Variants in BID observed in about 807,000 individuals in gnomAD.
BID encodes BH3-interacting domain death agonist.
In BID, 19 loss-of-function variants were observed where a neutral mutation model predicts 17.4. That is an observed-to-expected ratio of 1.09 (90% CI 0.76 to 1.60). The LOEUF is 1.60. Ranked by LOEUF, BID falls within the 40% of genes most tolerant of loss-of-function variation. The pLI is 0.00. For missense variants in BID, 226 were observed against 256.0 expected, an observed-to-expected ratio of 0.88 and a Z score of 0.80; for synonymous variants, 108 against 102.8, an observed-to-expected ratio of 1.05 and a Z score of -0.31.
intron 3 of BID, chr22:17,740,060 C>T (rs374211999): frequency 5.6e-6 from 9 of 1,607,260 alleles, no homozygotes; most frequent in African/African-American, 4.0e-5. Flanking sequence ...GCACAGCCTC[C>T]GTGCTGCCCC....
At chr22:17,740,089 G>C in intron 3 of BID, 1 of 1,611,730 alleles carries the variant, frequency 6.2e-7, no homozygotes, top group Non-Finnish European at 8.5e-7. Flanking sequence ...TACCACTGTC[G>C]CAGCTCCATG....
chr22:17,759,473 A>T (rs1158871802), intron 1 of BID, among the ~76,000 whole-genome samples: 1 of 151,546 alleles, frequency 6.6e-6, no homozygotes, highest in Non-Finnish European at 1.5e-5. Context: ...AATCGCTTAA[A>T]CCCAGGAGGC....
Position 17,773,850 on chromosome 22 carries a change from C to G in BID, c.-59+531G>C. 1 of 730,094 alleles carries G rather than the reference C, an allele frequency of 1.4e-6. No individual in the cohort carries two copies. The allele number at this position is 730,094 out of a possible 1,614,324, so 45.2% of individuals were successfully genotyped here. Reference sequence around the variant, plus strand: ...ACATCATTGCCAGTGCTCTAAGGAGCGGGCGAGCCCCAGTAAGCGGCCGCT... The same window carrying G: ...ACATCATTGCCAGTGCTCTAAGGAGGGGGCGAGCCCCAGTAAGCGGCCGCT... On this transcript the variant is annotated intron_variant, in intron 1 of 5. Coordinates refer to ENST00000622694, the MANE Select transcript of BID (RefSeq NM_001196.4). This position sits in a 1 kb window ranked among gnomAD's most constrained non-coding sequence, Gnocchi z 4.4.
chr22:17,771,148 G>A (rs952933142), intron 1 of BID, among the ~76,000 whole-genome samples: 22 of 152,318 alleles, frequency 1.4e-4, no homozygotes, highest in African/African-American at 5.1e-4. Flanking sequence ...CCCCCAGGCT[G>A]GAGTGCAGTG....
intron 1 of BID, among the ~76,000 whole-genome samples, chr22:17,754,857 C>T (rs894213629): frequency 2.6e-5 from 4 of 152,122 alleles, no homozygotes; most frequent in African/African-American, 9.7e-5. Flanking sequence ...CTCCGCCTCC[C>T]AGATTCTAGC....
chr22:17,737,630 G>A (rs2061429445), intron 5 of BID, among the ~76,000 whole-genome samples: 1 of 152,244 alleles, frequency 6.6e-6, no homozygotes, highest in South Asian at 2.1e-4. Flanking sequence ...ACAGGCATGA[G>A]CCACCGCACT....
chr22:17,754,450 T>C (rs2145898872), intron 1 of BID, among the ~76,000 whole-genome samples: 1 of 152,370 alleles, frequency 6.6e-6, no homozygotes. Context: ...TCGCTGCTGC[T>C]GAGCCAGGGG....
intron 4 of BID, among the ~76,000 whole-genome samples, chr22:17,738,507 C>T (rs2061435920): frequency 6.6e-6 from 1 of 152,166 alleles, no homozygotes; most frequent in South Asian, 2.1e-4. Context: ...TCCCTGCGCC[C>T]AAGGCACTTC....
At chr22:17,767,333 C>G (rs927066519) in intron 1 of BID, among the ~76,000 whole-genome samples, 1 of 152,102 alleles carries the variant, frequency 6.6e-6, no homozygotes, top group Non-Finnish European at 1.5e-5. Flanking sequence ...ACGAACCAAT[C>G]AGAATAGAGT....
At position 17,773,544 on chromosome 22, in the gene BID, G is replaced by A; in HGVS notation, c.-59+837C>T. ...GGGTGGGTCCATCTGCTCCTCACCT[G>A]CCCCAACCCTGCCTGCAGGTGAAGG... On this transcript the variant is annotated intron_variant, in intron 1 of 5. Transcript: ENST00000622694. The surrounding 1 kb of genome is among the most constrained non-coding windows in gnomAD (Gnocchi z 4.4). 1 of 1,566,146 alleles carries A rather than the reference G, an allele frequency of 6.4e-7. No individual in the cohort carries two copies. The highest frequency in any genetic ancestry group is 8.7e-7 in the Non-Finnish European group (1 of 1,143,758).
chr22:17,761,039 G>A (rs182630107), intron 1 of BID, among the ~76,000 whole-genome samples: 2 of 152,152 alleles, frequency 1.3e-5, no homozygotes, highest in South Asian at 2.1e-4. Flanking sequence ...TGTGGCCAGC[G>A]TCTCTTGTGA....
chr22:17,749,962 G>A, intron 2 of BID, 143 bp downstream of exon 2: 1 of 760,224 alleles, frequency 1.3e-6, no homozygotes. Flanking sequence ...GAAGGGGCTG[G>A]GCGGGGTTCG....
intron 1 of BID, among the ~76,000 whole-genome samples, chr22:17,759,246 C>CAAA (rs61124020): frequency 4.4e-5 from 5 of 114,786 alleles, no homozygotes; most frequent in East Asian, 2.2e-4. Flanking sequence ...AAAAACAAAA[C>CAAA]AAAAAAAAAA....
intron 3 of BID, among the ~76,000 whole-genome samples, chr22:17,742,694 C>T (rs2061469184): frequency 1.3e-5 from 2 of 152,176 alleles, no homozygotes; most frequent in Admixed American, 6.5e-5. Flanking sequence ...CGTCAGAATC[C>T]TCTGGGCAGT....
chr22:17,747,184 T>C (rs1435811292), intron 2 of BID, among the ~76,000 whole-genome samples: 4 of 152,204 alleles, frequency 2.6e-5, no homozygotes, highest in Non-Finnish European at 5.9e-5. Context: ...GACAGGCTCC[T>C]GTCTGGACCA....
intron 1 of BID, among the ~76,000 whole-genome samples, chr22:17,768,898 C>T (rs1429272983): frequency 2.1e-5 from 3 of 143,820 alleles, no homozygotes; most frequent in Admixed American, 1.4e-4. Context: ...AAAAATTAGC[C>T]GGGCGTGGTG....
rs913292416 is a variant in BID, at chr22:17,768,364, C to T, written c.-59+6017G>A. Among the ~76,000 whole-genome samples the T allele has an allele frequency of 3.3e-5, 5 of 152,240 alleles. No homozygotes were observed. The South Asian group carries it at 8.3e-4, about 25-fold the overall frequency. On this transcript the variant is annotated intron_variant, in intron 1 of 5. Transcript: ENST00000622694. The stretch of plus-strand genomic sequence containing the variant: ...GGCCCCCTCCCAGAGGTCGGAGGCT[C>T]CACCACAGGCCCCAGAAGTCAGTGG...
chr22:17,756,471 C>CT (rs1569047846), intron 1 of BID, among the ~76,000 whole-genome samples: 130 of 102,262 alleles, frequency 1.3e-3, no homozygotes, highest in African/African-American at 4.4e-3. Context: ...TTCTTTCTTT[C>CT]TTTCTTTTCT....
intron 1 of BID, among the ~76,000 whole-genome samples, chr22:17,755,268 G>C (rs2061573826): frequency 6.6e-6 from 1 of 151,912 alleles, no homozygotes. Flanking sequence ...ACATCGTGCT[G>C]CTCTAGGAAC....
Sources: allele counts gnomAD v4.1 joint callset (sites outside exome capture counted in the v4.1 genomes callset), GRCh38; gene constraint gnomAD v4.1.1; non-coding constraint Gnocchi (gnomAD v3.1); transcripts MANE v1.5; gene names NCBI Gene and HGNC (gene_info 2026-07-23, HGNC 2026-07-21).